Variants in VSIG1 observed in about 807,000 individuals in gnomAD.
The protein encoded by VSIG1 is V-set and immunoglobulin domain containing 1.
In VSIG1, 11 loss-of-function variants were observed where a neutral mutation model predicts 20.1. The ratio of observed to expected loss-of-function variants is 0.55; its 90% CI spans 0.34 to 0.91. VSIG1 has a LOEUF of 0.91. Among genes scored for constraint, VSIG1 ranks in the 40% least tolerant of loss-of-function variants. VSIG1 has a pLI of 0.02. For missense variants in VSIG1, 283 were observed against 298.8 expected (o/e 0.95, Z 0.39); for synonymous variants, 126 against 116.7 (o/e 1.08, Z -0.52).
intron 2 of VSIG1, among the ~76,000 whole-genome samples, chrX:108,063,957 C>T (rs937091721): frequency 8.9e-6 from 1 of 111,953 alleles, no homozygotes; most frequent in Non-Finnish European, 1.9e-5. Context: ...GCTTTGACGT[C>T]TAAATTGATA....
intron 1 of VSIG1, among the ~76,000 whole-genome samples, chrX:108,048,513 C>G (rs1020154756): frequency 1.8e-5 from 2 of 112,383 alleles, no homozygotes; most frequent in African/African-American, 6.5e-5. Flanking sequence ...CAGAGAGGGA[C>G]ATTGCGTTCT....
intron 5 of VSIG1, among the ~76,000 whole-genome samples, chrX:108,074,296 T>C (rs2031311044): frequency 8.9e-6 from 1 of 112,303 alleles, no homozygotes; most frequent in Admixed American, 9.5e-5. Context: ...CTATATTTCC[T>C]GCATCATTTC....
intron 3 of VSIG1, among the ~76,000 whole-genome samples, chrX:108,071,056 C>A (rs1165246725): frequency 3.6e-5 from 4 of 111,526 alleles, no homozygotes; most frequent in Non-Finnish European, 7.5e-5. Flanking sequence ...CTCTTAGTCA[C>A]GTTTTACAGA....
chrX:108,066,212 A>G (rs1269127024), intron 2 of VSIG1, among the ~76,000 whole-genome samples: 1 of 111,853 alleles, frequency 8.9e-6, no homozygotes, highest in Non-Finnish European at 1.9e-5. Context: ...TGGGTCTGAG[A>G]TGCCTTATTT....
At chrX:108,020,305 A>G in the VSIG1 span, among the ~76,000 whole-genome samples, 10 of 111,506 alleles carry the variant, frequency 9.0e-5, no homozygotes, top group African/African-American at 3.3e-4. Context: ...GCCGCTAATA[A>G]ATTTTTCATT....
At chrX:108,038,597 T>C in the VSIG1 span, among the ~76,000 whole-genome samples, 1 of 112,602 alleles carries the variant, frequency 8.9e-6, no homozygotes, top group Non-Finnish European at 1.9e-5. Flanking sequence ...TAACAAAGAC[T>C]TGGAACCAAC....
chrX:108,028,679 T>C, the VSIG1 span, among the ~76,000 whole-genome samples: 1 of 111,247 alleles, frequency 9.0e-6, no homozygotes, highest in East Asian at 2.8e-4. Flanking sequence ...TGGATATACA[T>C]CTAATAGTAG....
intron 2 of VSIG1, among the ~76,000 whole-genome samples, chrX:108,059,889 T>A (rs2030986927): frequency 8.9e-6 from 1 of 112,215 alleles, no homozygotes; most frequent in African/African-American, 3.2e-5. Context: ...CTGCTTGATA[T>A]TCAAATCAAG....
At chrX:108,043,282 C>T (rs2030509182), upstream of VSIG1, among the ~76,000 whole-genome samples, 1 of 112,047 alleles carries the variant, frequency 8.9e-6, no homozygotes, top group South Asian at 3.8e-4. Context: ...GTGCTACATG[C>T]CTGACAGTGA....
the VSIG1 span, among the ~76,000 whole-genome samples, chrX:108,022,400 A>G: frequency 8.9e-6 from 1 of 112,123 alleles, no homozygotes; most frequent in African/African-American, 3.2e-5. Flanking sequence ...TTAATCTTAT[A>G]TCCCGCAACT....
At chrX:108,028,835 C>T in the VSIG1 span, among the ~76,000 whole-genome samples, 1 of 111,370 alleles carries the variant, frequency 9.0e-6, no homozygotes, top group Non-Finnish European at 1.9e-5. Flanking sequence ...GTGAGTCCCA[C>T]TACTGAGCTT....
chrX:108,043,724 A>C (rs2030516686), upstream of VSIG1, among the ~76,000 whole-genome samples: 1 of 112,033 alleles, frequency 8.9e-6, no homozygotes, highest in Non-Finnish European at 1.9e-5. Flanking sequence ...TGATGGAAGC[A>C]AAATGGCTTT....
At chrX:108,019,175 G>T in the VSIG1 span, among the ~76,000 whole-genome samples, 1 of 111,953 alleles carries the variant, frequency 8.9e-6, no homozygotes, top group Non-Finnish European at 1.9e-5. Flanking sequence ...GGTTGAGAGG[G>T]CTGGTGCCCA....
the VSIG1 span, among the ~76,000 whole-genome samples, chrX:108,035,507 T>C: frequency 9.0e-6 from 1 of 110,781 alleles, no homozygotes; most frequent in Non-Finnish European, 1.9e-5. Context: ...TTCTTTTTCT[T>C]TTTCTTTCTT....
At chrX:108,074,220 T>C (rs1438271170) in intron 5 of VSIG1, among the ~76,000 whole-genome samples, 2 of 112,440 alleles carry the variant, frequency 1.8e-5, no homozygotes, top group Non-Finnish European at 3.8e-5. Context: ...GCTCTTCCTA[T>C]GCACCTGAAC....
At chrX:108,023,048 T>C in the VSIG1 span, among the ~76,000 whole-genome samples, 1 of 112,058 alleles carries the variant, frequency 8.9e-6, no homozygotes, top group African/African-American at 3.2e-5. Flanking sequence ...CAAATAAATG[T>C]CTTTTCTTTA....
chrX:108,074,012 C>T (rs1215101585), intron 5 of VSIG1, among the ~76,000 whole-genome samples: 1 of 111,902 alleles, frequency 8.9e-6, no homozygotes, highest in African/African-American at 3.3e-5. Context: ...AAGGTGCTTA[C>T]TCACTCTCTG....
At chrX:108,023,736 A>G in the VSIG1 span, among the ~76,000 whole-genome samples, 1 of 112,057 alleles carries the variant, frequency 8.9e-6, no homozygotes, top group Non-Finnish European at 1.9e-5. Context: ...GGAATGCATC[A>G]TGCCACACAG....
the VSIG1 span, among the ~76,000 whole-genome samples, chrX:108,033,018 G>A: frequency 9.0e-6 from 1 of 111,639 alleles, no homozygotes; most frequent in Non-Finnish European, 1.9e-5. Context: ...TCAGATGCAG[G>A]TCCTACAGGA....
Sources: gnomAD v4.1 joint callset for allele counts (sites outside exome capture counted in the v4.1 genomes callset) on GRCh38, gnomAD v4.1.1 for gene constraint, MANE v1.5 for transcripts, NCBI Gene and HGNC (gene_info 2026-07-23, HGNC 2026-07-21) for gene names.